NCAM2: variants seen among roughly 807,000 people sequenced by gnomAD.
NCAM2 encodes the protein neural cell adhesion molecule 2.
NCAM2 carries 30 observed loss-of-function variants against 98.1 expected under a neutral mutation model. The observed-to-expected ratio is 0.31, with a 90% CI of 0.23 to 0.41. The LOEUF (loss-of-function observed/expected upper bound fraction) is 0.41, where lower values mean the gene tolerates loss of function less well. Among genes scored for constraint, NCAM2 ranks in the 10% least tolerant of loss-of-function variants. The pLI, the probability that NCAM2 is intolerant of heterozygous loss-of-function variation, is 1.00. For missense variants in NCAM2, 867 were observed against 1,005.8 expected (o/e 0.86, Z 1.87); for synonymous variants, 368 against 342.4 (o/e 1.07, Z -0.83).
chr21:21,225,912 A>G (rs2070362364), intron 1 of NCAM2, among the ~76,000 whole-genome samples: 1 of 152,110 alleles, frequency 6.6e-6, no homozygotes, highest in Non-Finnish European at 1.5e-5. Flanking sequence ...CAGCAAAGAC[A>G]TGGGATCAAC....
chr21:21,203,822 G>T (rs1020797959), intron 1 of NCAM2, among the ~76,000 whole-genome samples: 1 of 152,018 alleles, frequency 6.6e-6, no homozygotes, highest in Non-Finnish European at 1.5e-5. Flanking sequence ...TTATCATTGT[G>T]GTCCAGATTG....
At chr21:21,022,518 A>G (rs1159691592) in intron 1 of NCAM2, among the ~76,000 whole-genome samples, 1 of 152,158 alleles carries the variant, frequency 6.6e-6, no homozygotes, top group Non-Finnish European at 1.5e-5. Context: ...AAGTATTACT[A>G]TTCAGGTAAA....
intron 8 of NCAM2, among the ~76,000 whole-genome samples, chr21:21,360,133 G>A (rs920005119): frequency 6.6e-5 from 10 of 151,830 alleles, no homozygotes; most frequent in African/African-American, 1.4e-4. Context: ...AAACCAGTGC[G>A]TAAGATAATA....
intron 1 of NCAM2, among the ~76,000 whole-genome samples, chr21:21,258,794 C>G (rs2071773745): frequency 6.6e-6 from 1 of 152,078 alleles, no homozygotes; most frequent in Non-Finnish European, 1.5e-5. Context: ...CCACATGACT[C>G]TCTCTGACTT....
intron 15 of NCAM2, among the ~76,000 whole-genome samples, chr21:21,487,458 T>A (rs985780636): frequency 2.0e-5 from 3 of 152,110 alleles, no homozygotes; most frequent in African/African-American, 7.2e-5. Flanking sequence ...TTTGAGCTTG[T>A]GTGTTGAGTG....
In NCAM2 at chr21:21,137,004, C is replaced by T. The variant is rs571300280; in HGVS notation, c.55+138386C>T. Among the ~76,000 whole-genome samples, 3 of 151,578 alleles carry T rather than the reference C, an allele frequency of 2.0e-5. No individual in the cohort carries two copies. In the South Asian group the frequency reaches 6.2e-4, roughly 31 times the overall value. On this transcript the variant is annotated intron_variant, in intron 1 of 17. Transcript: ENST00000400546. ...AGTGCCACTTTATGACTTAGAGTTG[C>T]TTGGTTTCTGGTTACAATTTTTAGT...
At chr21:21,145,939 A>G (rs920393987) in intron 1 of NCAM2, among the ~76,000 whole-genome samples, 16 of 152,174 alleles carry the variant, frequency 1.1e-4, no homozygotes, top group African/African-American at 3.9e-4. Flanking sequence ...AGGAAGAAGA[A>G]AGGCCAGGAA....
At chr21:21,276,904 T>A (rs550386660) in intron 1 of NCAM2, among the ~76,000 whole-genome samples, 32 of 152,142 alleles carry the variant, frequency 2.1e-4, no homozygotes, top group African/African-American at 7.7e-4. Context: ...GAATGAAAAA[T>A]TAACCAGATG....
At chr21:21,323,694 AT>A (rs2074436620) in intron 5 of NCAM2, among the ~76,000 whole-genome samples, 1 of 152,200 alleles carries the variant, frequency 6.6e-6, no homozygotes, top group Non-Finnish European at 1.5e-5. Flanking sequence ...AGTTTTTGCA[AT>A]GTAATTAGTT....
intron 1 of NCAM2, among the ~76,000 whole-genome samples, chr21:21,043,357 A>G (rs1340436066): frequency 6.6e-6 from 1 of 152,214 alleles, no homozygotes; most frequent in African/African-American, 2.4e-5. Flanking sequence ...AATTGTTATA[A>G]TAATATCTCA....
chr21:21,111,317 G>A (rs953994882), intron 1 of NCAM2, among the ~76,000 whole-genome samples: 5 of 152,184 alleles, frequency 3.3e-5, no homozygotes, highest in Non-Finnish European at 5.9e-5. Context: ...GAGTACTAGA[G>A]TTGTGCATTG....
At chr21:21,167,700 T>A (rs941308579) in intron 1 of NCAM2, among the ~76,000 whole-genome samples, 9 of 152,274 alleles carry the variant, frequency 5.9e-5, no homozygotes, top group Non-Finnish European at 1.0e-4. Flanking sequence ...AATTATCTGC[T>A]TACGAATTTT....
rs373052138 is a variant in NCAM2, at chr21:21,290,851, C to T, written c.482-1253C>T. On this transcript the variant is annotated intron_variant, in intron 4 of 17. Coordinates refer to ENST00000400546, the MANE Select transcript of NCAM2 (RefSeq NM_004540.5). ...CAAATTTGCCCCCAAATTGGAGTGGCCTACTACCCTAGCAGTTTATGGCTC... is the reference window on the plus strand; with the variant it reads ...CAAATTTGCCCCCAAATTGGAGTGGTCTACTACCCTAGCAGTTTATGGCTC... Among the ~76,000 whole-genome samples the T allele has an allele frequency of 2.6e-5, 4 of 151,894 alleles. No individual in the cohort carries two copies. The East Asian group carries it at 5.9e-4, about 22-fold the overall frequency.
At chr21:21,004,338 C>T (rs540676762) in intron 1 of NCAM2, among the ~76,000 whole-genome samples, 1 of 152,242 alleles carries the variant, frequency 6.6e-6, no homozygotes, top group South Asian at 2.1e-4. Flanking sequence ...CTTATGATTA[C>T]CAATGAGTCA....
At chr21:21,141,183 T>G (rs1287738706) in intron 1 of NCAM2, among the ~76,000 whole-genome samples, 1 of 152,140 alleles carries the variant, frequency 6.6e-6, no homozygotes, top group East Asian at 1.9e-4. Context: ...GTTTTCAAGT[T>G]TTTCGCTAGA....
At chr21:21,177,039 C>T (rs1420785233) in intron 1 of NCAM2, among the ~76,000 whole-genome samples, 2 of 152,068 alleles carry the variant, frequency 1.3e-5, no homozygotes, top group African/African-American at 2.4e-5. Flanking sequence ...ATTGGATCAA[C>T]TATACTTAAT....
chr21:21,314,236 C>CT lies in NCAM2; in HGVS notation c.620-10144dup, dbSNP rs939562330. On this transcript the variant is annotated intron_variant, in intron 5 of 17. Coordinates refer to ENST00000400546, the MANE Select transcript of NCAM2 (RefSeq NM_004540.5). ...GCTGGTAGAAATTGTAATAGTTTTC[C>CT]TTTACCTTCATGTCTGAAGGGGATT... Among the ~76,000 whole-genome samples the CT allele has an allele frequency of 3.3e-5, 5 of 151,968 alleles. No homozygotes were observed. The East Asian group carries it at 7.7e-4, about 23-fold the overall frequency.
intron 8 of NCAM2, among the ~76,000 whole-genome samples, chr21:21,353,831 G>T (rs572021023): frequency 6.6e-6 from 1 of 152,092 alleles, no homozygotes; most frequent in East Asian, 1.9e-4. Context: ...GGGCATTAAG[G>T]TAGGAAAAAA....
intron 1 of NCAM2, among the ~76,000 whole-genome samples, chr21:21,052,181 G>C (rs529429429): frequency 2.6e-5 from 3 of 117,418 alleles, no homozygotes; most frequent in African/African-American, 1.2e-4. Flanking sequence ...TTTTTGAGAC[G>C]GAGTCTCGCT....
Sources: allele counts gnomAD v4.1 joint callset (sites outside exome capture counted in the v4.1 genomes callset), GRCh38; gene constraint gnomAD v4.1.1; transcripts MANE v1.5; gene names NCBI Gene and HGNC (gene_info 2026-07-23, HGNC 2026-07-21).